The following NLGN1 variants were observed in gnomAD, a reference collection of about 807,000 sequenced individuals.
NLGN1 encodes neuroligin 1.
Under a neutral mutation model 65.5 loss-of-function variants are expected in NLGN1, and 12 were observed. That is an observed-to-expected ratio of 0.18 (90% confidence interval 0.12 to 0.30). The LOEUF is 0.30. Among genes scored for constraint, NLGN1 ranks in the 10% least tolerant of loss-of-function variants. The pLI is 1.00. For missense variants in NLGN1, 750 were observed against 1,007.1 expected (o/e 0.74, Z 3.46); for synonymous variants, 350 against 359.5 (o/e 0.97, Z 0.30).
chr3:173,451,534 C>G (rs1034577816), intron 2 of NLGN1, among the ~76,000 whole-genome samples: 8 of 152,176 alleles, frequency 5.3e-5, no homozygotes, highest in African/African-American at 1.7e-4. Context: ...GGCAGTCTGC[C>G]CGTTCTCAGA....
intron 3 of NLGN1, among the ~76,000 whole-genome samples, chr3:173,733,270 T>G (rs1773158120): frequency 6.6e-6 from 1 of 152,284 alleles, no homozygotes; most frequent in Admixed American, 6.5e-5. Context: ...GATATTTTTT[T>G]GAAAATCTTG....
intron 3 of NLGN1, among the ~76,000 whole-genome samples, chr3:173,620,689 T>C (rs1238913602): frequency 2.6e-5 from 4 of 152,104 alleles, no homozygotes; most frequent in Non-Finnish European, 5.9e-5. Context: ...TTGAGTCATC[T>C]TTTAAAAATA....
downstream of NLGN1, among the ~76,000 whole-genome samples, chr3:174,291,506 ATC>A (rs1235120254): frequency 6.6e-6 from 1 of 151,192 alleles, no homozygotes; most frequent in Non-Finnish European, 1.5e-5. Context: ...AAATCACCAA[ATC>A]TCTTAAAATG....
intron 4 of NLGN1, among the ~76,000 whole-genome samples, chr3:174,008,016 G>A (rs1452670384): frequency 6.6e-6 from 1 of 151,728 alleles, no homozygotes; most frequent in African/African-American, 2.4e-5. Flanking sequence ...CTACTGTGGT[G>A]TTTTGCAGAA....
At chr3:173,488,566 A>G (rs1475797648) in intron 2 of NLGN1, among the ~76,000 whole-genome samples, 4 of 152,080 alleles carry the variant, frequency 2.6e-5, no homozygotes, top group Admixed American at 2.6e-4. Context: ...TTTTAGGGTA[A>G]CCACTAGTTT....
chr3:173,982,155 G>C (rs1015197757), intron 4 of NLGN1, among the ~76,000 whole-genome samples: 7 of 151,958 alleles, frequency 4.6e-5, no homozygotes, highest in Non-Finnish European at 1.0e-4. Context: ...CTAGAACTTA[G>C]GTCTCTAACC....
At chr3:174,273,899 T>A (rs2152883774) in intron 4 of NLGN1, among the ~76,000 whole-genome samples, 1 of 147,152 alleles carries the variant, frequency 6.8e-6, no homozygotes, top group African/African-American at 2.5e-5. Flanking sequence ...ATCCATATAT[T>A]CAGTTTGGTT....
intron 3 of NLGN1, among the ~76,000 whole-genome samples, chr3:173,763,539 A>G (rs1778315832): frequency 6.6e-6 from 1 of 152,036 alleles, no homozygotes; most frequent in African/African-American, 2.4e-5. Context: ...TTTCTCATTC[A>G]TTTTTAATGT....
intron 4 of NLGN1, among the ~76,000 whole-genome samples, chr3:173,887,800 G>A (rs918845243): frequency 6.6e-6 from 1 of 151,376 alleles, no homozygotes; most frequent in Non-Finnish European, 1.5e-5. Context: ...TTTAATAACT[G>A]GTTTTTAAAA....
intron 4 of NLGN1, among the ~76,000 whole-genome samples, chr3:173,877,498 A>G: frequency 6.6e-6 from 1 of 152,130 alleles, no homozygotes; most frequent in East Asian, 1.9e-4. Flanking sequence ...AAAAAAGTGA[A>G]AAAAACCCTG....
At chr3:173,800,426 C>A in intron 3 of NLGN1, 1 of 442,620 alleles carries the variant, frequency 2.3e-6, no homozygotes, top group South Asian at 2.6e-5. Context: ...TATTTTTTTA[C>A]TTCTTGTCTT....
chr3:173,663,366 A>T (rs1469192969), intron 3 of NLGN1, among the ~76,000 whole-genome samples: 1 of 152,036 alleles, frequency 6.6e-6, no homozygotes, highest in Non-Finnish European at 1.5e-5. Flanking sequence ...TTCTTTGCAC[A>T]AAGTTGTTTA....
intron 2 of NLGN1, among the ~76,000 whole-genome samples, chr3:173,470,100 G>C (rs1294805628): frequency 6.6e-6 from 1 of 152,024 alleles, no homozygotes; most frequent in Non-Finnish European, 1.5e-5. Flanking sequence ...CCCTCTTTCA[G>C]TAGCTGCCAG....
intron 4 of NLGN1, among the ~76,000 whole-genome samples, chr3:173,941,438 T>C (rs1172218247): frequency 6.6e-6 from 1 of 152,062 alleles, no homozygotes; most frequent in Non-Finnish European, 1.5e-5. Context: ...CTAAATGTTT[T>C]AGAGTGACTG....
At chr3:173,813,015 T>C (rs1165945533) in intron 4 of NLGN1, among the ~76,000 whole-genome samples, 1 of 151,408 alleles carries the variant, frequency 6.6e-6, no homozygotes, top group African/African-American at 2.4e-5. Context: ...TTGATCTATA[T>C]GAATAGATTC....
chr3:173,458,959 C>G (rs1235817621), intron 2 of NLGN1, among the ~76,000 whole-genome samples: 1 of 152,062 alleles, frequency 6.6e-6, no homozygotes. Context: ...GCAGACGCCA[C>G]TAGAGTATCA....
intron 4 of NLGN1, among the ~76,000 whole-genome samples, chr3:174,246,381 C>A (rs1486692519): frequency 1.3e-5 from 2 of 152,096 alleles, no homozygotes; most frequent in African/African-American, 2.4e-5. Context: ...TAGACAAGGC[C>A]ATTATTCTTG....
intron 3 of NLGN1, among the ~76,000 whole-genome samples, chr3:173,716,822 A>G (rs748347729): frequency 7.9e-5 from 12 of 152,030 alleles, no homozygotes; most frequent in Middle Eastern, 3.2e-3. Flanking sequence ...TTTATTGCCT[A>G]TTGTTCCAAG....
At chr3:173,440,274 A>C (rs1718935758) in intron 2 of NLGN1, among the ~76,000 whole-genome samples, 1 of 152,052 alleles carries the variant, frequency 6.6e-6, no homozygotes, top group South Asian at 2.1e-4. Flanking sequence ...CCTCCACTGA[A>C]GACTTAAACC....
Sources: gnomAD v4.1 joint callset for allele counts (sites outside exome capture counted in the v4.1 genomes callset) on GRCh38, gnomAD v4.1.1 for gene constraint, MANE v1.5 for transcripts, NCBI Gene and HGNC (gene_info 2026-07-23, HGNC 2026-07-21) for gene names.